HSD17B3: variants seen among roughly 807,000 people sequenced by gnomAD.
The protein encoded by HSD17B3 is 17-beta-hydroxysteroid dehydrogenase type 3.
In HSD17B3, 29 loss-of-function variants were observed where a neutral mutation model predicts 41.1. The ratio of observed to expected loss-of-function variants is 0.71; its 90% confidence interval spans 0.53 to 0.96. HSD17B3 has a LOEUF of 0.96. HSD17B3 is among the 40% of genes least tolerant of loss of function. The probability of loss-of-function intolerance (pLI) is 0.00; values close to 1 mark genes in which losing one functional copy is unlikely to be tolerated. For missense variants in HSD17B3, 323 were observed against 374.6 expected (o/e 0.86, Z 1.14); for synonymous variants, 126 against 145.6 (o/e 0.87, Z 0.97).
chr9:96,282,287 G>A (rs990124448), intron 2 of HSD17B3, among the ~76,000 whole-genome samples: 4 of 151,940 alleles, frequency 2.6e-5, no homozygotes, highest in South Asian at 4.2e-4. Flanking sequence ...TTGATTAATT[G>A]GTTTAAAAAT....
At chr9:96,253,003 A>ACTGG in intron 3 of HSD17B3, 93 bp from the exon 4 acceptor site, 1 of 812,438 alleles carries the variant, frequency 1.2e-6, no homozygotes, top group Non-Finnish European at 2.2e-6. Flanking sequence ...TTACCTGAGC[A>ACTGG]GACATTGAAG....
chr9:96,270,086 G>T (rs938068944), intron 2 of HSD17B3, among the ~76,000 whole-genome samples: 13 of 152,078 alleles, frequency 8.5e-5, no homozygotes, highest in African/African-American at 3.1e-4. Context: ...TCGGGGTGAG[G>T]GAAGGTAAAC....
rs71368240 is a variant in HSD17B3 at position 96,262,229 on chromosome 9, C to CTTT, written c.202-7289_202-7287dup. ...ACAGTGGTTGTAAACATGTCAATTG[C>CTTT]TTTTTTTTTTTTTTTTTTTTTTTTT... On this transcript the variant is annotated intron_variant, in intron 2 of 10. Coordinates refer to ENST00000375263, the MANE Select transcript of HSD17B3 (RefSeq NM_000197.2). Among the ~76,000 whole-genome samples the CTTT allele has an allele frequency of 2.6e-3, 142 of 54,216 alleles. 10 individuals are homozygous for CTTT. The highest frequency in any genetic ancestry group is 4.9e-3 in the African/African-American group (61 of 12,522). 35.6% of individuals were successfully genotyped at this position (54,216 alleles called of 152,430 possible).
intron 1 of HSD17B3, among the ~76,000 whole-genome samples, chr9:96,301,608 G>C (rs1267397718): frequency 6.6e-6 from 1 of 151,048 alleles, no homozygotes; most frequent in East Asian, 2.0e-4. Context: ...CTACTTGGGA[G>C]GCCGAGGCAG....
rs751855814 is a variant in HSD17B3, at chr9:96,235,569, G to A, written c.824C>T (p.Ala275Val). The A allele has an allele frequency of 5.0e-5, 80 of 1,612,516 alleles. No individual in the cohort carries two copies. The highest frequency in any genetic ancestry group is 6.1e-5 in the Non-Finnish European group (72 of 1,178,986). Residue 275 changes from alanine (A) to valine (V), a missense_variant and splice_region_variant, in exon 11 of 11, where the codon GCG becomes GTG. Transcript: ENST00000375263. ...GGCCGGGATCAGGCTCAGAAAGCCC[G>A]CCTTAAACAGAGAGAAGCATCAGTG... Reference protein sequence around the residue: ...TCGCLAHEILAGFLSLIPAWA... With the variant: ...TCGCLAHEILVGFLSLIPAWA...
At chr9:96,245,544 A>G (rs1466465672) in intron 7 of HSD17B3, 118 bp from the exon 8 acceptor site, 1 of 751,494 alleles carries the variant, frequency 1.3e-6, no homozygotes, top group African/African-American at 1.7e-5. Context: ...AGGCTTCCGC[A>G]AGTGCTAGGG....
chr9:96,301,247 A>G (rs1414104288), intron 1 of HSD17B3, among the ~76,000 whole-genome samples: 1 of 152,060 alleles, frequency 6.6e-6, no homozygotes, highest in Non-Finnish European at 1.5e-5. Context: ...TTGCTCTCAA[A>G]GAGAAAAAAA....
intron 2 of HSD17B3, among the ~76,000 whole-genome samples, chr9:96,262,139 C>G (rs1039500233): frequency 1.3e-5 from 2 of 149,920 alleles, no homozygotes; most frequent in Non-Finnish European, 3.0e-5. Context: ...TCCCATGAGA[C>G]TGCTTATTGA....
In HSD17B3 at chr9:96,250,045, C is replaced by A; in HGVS notation, c.454-259G>T. ...TAAGAGTTTCCTGGAAAACTCGGAA[C>A]TATATTCCTGGAGGAATATAAATAC... On this transcript the variant is annotated intron_variant, in intron 5 of 10. Coordinates refer to ENST00000375263, the MANE Select transcript of HSD17B3 (RefSeq NM_000197.2). 7 of 1,421,292 alleles carry A rather than the reference C, an allele frequency of 4.9e-6. No homozygotes were observed. The South Asian group carries it at 7.7e-5, about 16-fold the overall frequency. 88.0% of individuals were successfully genotyped at this position (1,421,292 alleles called of 1,614,324 possible). A position where few individuals can be genotyped will look rare whatever the true frequency, so the allele number is the denominator to read the frequency against.
intron 1 of HSD17B3, among the ~76,000 whole-genome samples, chr9:96,301,244 C>G (rs1308485175): frequency 2.0e-5 from 3 of 151,854 alleles, no homozygotes; most frequent in Non-Finnish European, 2.9e-5. Flanking sequence ...TCTTTGCTCT[C>G]AAAGAGAAAA....
At chr9:96,257,202 T>C (rs900574013) in intron 2 of HSD17B3, among the ~76,000 whole-genome samples, 8 of 152,248 alleles carry the variant, frequency 5.3e-5, no homozygotes, top group African/African-American at 1.9e-4. Context: ...TATTTCTTTA[T>C]TGCAGTGCAA....
intron 1 of HSD17B3, among the ~76,000 whole-genome samples, chr9:96,300,209 G>GGGACACACAC (rs775886274): frequency 8.6e-6 from 1 of 116,310 alleles, no homozygotes; most frequent in East Asian, 2.8e-4. Context: ...ACCCCAAGAG[G>GGGACACACAC]ACACACACAC....
intron 2 of HSD17B3, among the ~76,000 whole-genome samples, chr9:96,280,156 T>C (rs1826632843): frequency 6.6e-6 from 1 of 152,222 alleles, no homozygotes. Flanking sequence ...TAATGAGGCA[T>C]GTTCAACCAC....
chr9:96,244,258 C>A (rs1020639806), intron 9 of HSD17B3, 71 bp downstream of exon 9: 4 of 1,471,426 alleles, frequency 2.7e-6, no homozygotes, highest in Non-Finnish European at 3.8e-6. Flanking sequence ...TCCAGAGTAA[C>A]CCTTCTCAAG....
In HSD17B3 at chr9:96,251,411, A is replaced by G. The variant is rs1781031410; in HGVS notation, c.453+7T>C. ...AGGAATCTATACACAGAAGAGCACA[A>G]GTCTACCTGGATTTCATCCGGTGCG... is the stretch of plus-strand genomic sequence containing the variant. On this transcript the variant is annotated splice_region_variant and intron_variant, in intron 5 of 10. Transcript: ENST00000375263. 6.2e-7 allele frequency: 1 copy of G among 1,613,036 alleles called. No homozygotes were observed. The highest frequency in any genetic ancestry group is 8.5e-7 in the Non-Finnish European group (1 of 1,178,978).
intron 2 of HSD17B3, among the ~76,000 whole-genome samples, chr9:96,292,971 C>T (rs962437674): frequency 2.6e-5 from 4 of 152,094 alleles, no homozygotes; most frequent in African/African-American, 7.2e-5. Context: ...GGAAATGAAG[C>T]CATTCTCGAA....
chr9:96,285,475 G>T (rs1373822784), intron 2 of HSD17B3, among the ~76,000 whole-genome samples: 3 of 152,140 alleles, frequency 2.0e-5, no homozygotes, highest in Admixed American at 6.5e-5. Flanking sequence ...TGGGAACATT[G>T]GAATCAGCTA....
intron 2 of HSD17B3, 23 bp downstream of exon 2, chr9:96,298,393 A>C: frequency 6.2e-7 from 1 of 1,602,604 alleles, no homozygotes; most frequent in South Asian, 1.1e-5. Context: ...AGGGAGGAGA[A>C]AGTCCCCAGG....
Position 96,240,844 on chromosome 9 carries a change from TGGTTATC to T in HSD17B3, c.729_735del (p.Ile244ArgfsTer11), listed in dbSNP as rs777697545. Reference sequence around the variant, plus strand: ...TCTTTGACAAACTCATCAGCAGTCTTGGTTATCACATTTGTATTTAGATACTTTGTCA... The same window carrying T: ...TCTTTGACAAACTCATCAGCAGTCTTACATTTGTATTTAGATACTTTGTCA... On this transcript the variant is annotated frameshift_variant, in exon 10 of 11. Coordinates refer to ENST00000375263, the MANE Select transcript of HSD17B3 (RefSeq NM_000197.2). LOFTEE classifies it high-confidence loss of function. 39 of 1,614,086 alleles carry T rather than the reference TGGTTATC, an allele frequency of 2.4e-5. No individual in the cohort carries two copies. Among genetic ancestry groups the T allele is most frequent in the Non-Finnish European group, 1.2e-5 (14 of 1,180,016 alleles).
Sources: allele counts gnomAD v4.1 joint callset (sites outside exome capture counted in the v4.1 genomes callset), GRCh38; gene constraint gnomAD v4.1.1; transcripts MANE v1.5; gene names NCBI Gene and HGNC (gene_info 2026-07-23, HGNC 2026-07-21).